The following SSU72 variants were observed in gnomAD, a reference collection of about 807,000 sequenced individuals.
The protein encoded by SSU72 is RNA polymerase II subunit A C-terminal domain phosphatase SSU72.
Under a neutral mutation model 22.7 loss-of-function variants are expected in SSU72, and 12 were observed. The ratio of observed to expected loss-of-function variants is 0.53; its 90% CI spans 0.34 to 0.86. The LOEUF is 0.86. Ranked by LOEUF, SSU72 falls within the 40% of genes least tolerant of loss-of-function variation. SSU72 has a pLI of 0.02. For synonymous variants in SSU72, 116 were observed against 98.3 expected (o/e 1.18, Z -1.06); for missense variants, 151 against 249.8 (o/e 0.60, Z 2.67).
chr1:1,551,725 A>G (rs1182679219), intron 2 of SSU72, among the ~76,000 whole-genome samples: 2 of 152,222 alleles, frequency 1.3e-5, no homozygotes, highest in East Asian at 3.9e-4. Context: ...CACGTGGGAC[A>G]CAGCACCCAT....
intron 2 of SSU72, chr1:1,546,374 G>T (rs1025044755): frequency 6.6e-6 from 1 of 152,262 alleles, no homozygotes; most frequent in Non-Finnish European, 1.5e-5. Flanking sequence ...CACCCCTGAC[G>T]TGTGTCTCCT....
chr1:1,571,244 C>CAAAA (rs753699933), intron 1 of SSU72, among the ~76,000 whole-genome samples: 6 of 46,898 alleles, frequency 1.3e-4, no homozygotes, highest in Admixed American at 2.6e-4. Flanking sequence ...GACTCCATCT[C>CAAAA]AAAAAAAAAA....
intron 1 of SSU72, among the ~76,000 whole-genome samples, chr1:1,568,049 CAA>C (rs1239817927): frequency 7.9e-5 from 12 of 151,978 alleles, no homozygotes; most frequent in African/African-American, 2.9e-4. Context: ...TATTTAAAAA[CAA>C]AATGCAGTTT....
chr1:1,557,501 T>C (rs1451177483), intron 2 of SSU72, among the ~76,000 whole-genome samples: 1 of 151,130 alleles, frequency 6.6e-6, no homozygotes, highest in East Asian at 2.0e-4. Flanking sequence ...TTAGCATATA[T>C]ATATATATGG....
At chr1:1,543,414 G>A (rs928763293) in intron 4 of SSU72, among the ~76,000 whole-genome samples, 1 of 152,234 alleles carries the variant, frequency 6.6e-6, no homozygotes, top group Non-Finnish European at 1.5e-5. Context: ...CTGGGAGAGG[G>A]ACTAAGCCTG....
At chr1:1,543,802 G>A (rs750756387) in intron 4 of SSU72, 67 bp downstream of exon 4, 2 of 1,362,026 alleles carry the variant, frequency 1.5e-6, no homozygotes, top group Admixed American at 3.4e-5. Context: ...ACTCCCCTCT[G>A]TCACGGCCTC....
At chr1:1,548,746 C>A (rs375783845) in intron 2 of SSU72, among the ~76,000 whole-genome samples, 1 of 152,178 alleles carries the variant, frequency 6.6e-6, no homozygotes, top group East Asian at 1.9e-4. Flanking sequence ...CACTCGCCCC[C>A]GGAGGCCTTC....
In SSU72 at chr1:1,574,828, G is replaced by A. The variant is rs558099134; in HGVS notation, c.-271C>T. 41 of 298,124 alleles carry A rather than the reference G, an allele frequency of 1.4e-4. No homozygotes were observed. The highest frequency in any genetic ancestry group is 1.4e-3 in the Admixed American group (26 of 19,064). The allele number at this position is 298,124 out of a possible 1,614,324, so 18.5% of individuals were successfully genotyped here. A position where few individuals can be genotyped will look rare whatever the true frequency, so the allele number is the denominator to read the frequency against. Reference sequence around the variant, plus strand: ...GCGCCGGCCCCCGGCGTCCGCAGCAGAGACCCGCACTCCACAAGGCCCGGC... The same window carrying A: ...GCGCCGGCCCCCGGCGTCCGCAGCAAAGACCCGCACTCCACAAGGCCCGGC... On this transcript the variant is annotated 5_prime_UTR_variant, in exon 1 of 5. Transcript: ENST00000291386.
chr1:1,573,746 T>C (rs951483668), intron 1 of SSU72, among the ~76,000 whole-genome samples: 1 of 152,168 alleles, frequency 6.6e-6, no homozygotes, highest in Non-Finnish European at 1.5e-5. Flanking sequence ...TAGGTAACTT[T>C]GGAGGTAAAA....
intron 1 of SSU72, among the ~76,000 whole-genome samples, chr1:1,571,030 A>G (rs1642723380): frequency 6.6e-6 from 1 of 152,088 alleles, no homozygotes; most frequent in Non-Finnish European, 1.5e-5. Flanking sequence ...GCGGATCACG[A>G]GGTCAGGAGA....
At chr1:1,550,704 TGGAG>T (rs1310252975) in intron 2 of SSU72, among the ~76,000 whole-genome samples, 3 of 152,064 alleles carry the variant, frequency 2.0e-5, no homozygotes, top group African/African-American at 7.2e-5. Context: ...GGGAGGAAGA[TGGAG>T]GGAGGGCGGA....
At chr1:1,565,855 G>A (rs1642655222) in intron 1 of SSU72, among the ~76,000 whole-genome samples, 1 of 152,364 alleles carries the variant, frequency 6.6e-6, no homozygotes. Flanking sequence ...CACGCAAGGA[G>A]AAAGAGAGGT....
At chr1:1,549,466 G>GC (rs1160396645) in intron 2 of SSU72, among the ~76,000 whole-genome samples, 1 of 150,336 alleles carries the variant, frequency 6.7e-6, no homozygotes, top group Non-Finnish European at 1.5e-5. Context: ...CTTGCAGTGA[G>GC]CAAGATCGCA....
chr1:1,541,751 T>G lies in SSU72; in HGVS notation c.*315A>C. 2.7e-6 allele frequency: 1 copy of G among 375,664 alleles called. No homozygotes were observed. The highest frequency in any genetic ancestry group is 2.2e-5 in the South Asian group (1 of 44,618). 23.3% of individuals were successfully genotyped at this position (375,664 alleles called of 1,614,324 possible). On this transcript the variant is annotated 3_prime_UTR_variant, in exon 5 of 5. Transcript: ENST00000291386. ...CAGGGCTCTGTACAGTCCGGCCCGG[T>G]GGGGAGGAGGGAGGGAAGGCAGGCA... is the stretch of plus-strand genomic sequence containing the variant.
chr1:1,573,429 CAAAAAAAAAA>C (rs56930035), intron 1 of SSU72, among the ~76,000 whole-genome samples: 19 of 107,452 alleles, frequency 1.8e-4, no homozygotes, highest in Non-Finnish European at 4.1e-4. Context: ...GACTCTGTCT[CAAAAAAAAAA>C]AAAAAAAAAA....
chr1:1,571,281 A>G (rs1642728023), intron 1 of SSU72, among the ~76,000 whole-genome samples: 1 of 127,986 alleles, frequency 7.8e-6, no homozygotes, highest in African/African-American at 3.3e-5. Flanking sequence ...AAAAAAAAAA[A>G]AGTTAGCTGG....
chr1:1,559,499 G>C (rs934448658), intron 2 of SSU72, among the ~76,000 whole-genome samples: 1 of 152,152 alleles, frequency 6.6e-6, no homozygotes, highest in Non-Finnish European at 1.5e-5. Flanking sequence ...TCCACCCAAG[G>C]AAAGAACCTA....
chr1:1,567,162 G>A (rs1362191586), intron 1 of SSU72, among the ~76,000 whole-genome samples: 6 of 152,196 alleles, frequency 3.9e-5, no homozygotes, highest in African/African-American at 9.7e-5. Flanking sequence ...GGCTCCACGC[G>A]CACCTCCGAA....
chr1:1,572,310 C>A (rs1465140830), intron 1 of SSU72, among the ~76,000 whole-genome samples: 4 of 140,856 alleles, frequency 2.8e-5, no homozygotes, highest in South Asian at 2.5e-4. Context: ...CGCCTGTAGT[C>A]CCAGCTACTC....
Sources: gnomAD v4.1 joint callset for allele counts (sites outside exome capture counted in the v4.1 genomes callset) on GRCh38, gnomAD v4.1.1 for gene constraint, MANE v1.5 for transcripts, NCBI Gene and HGNC (gene_info 2026-07-23, HGNC 2026-07-21) for gene names.